Variants in COG4 observed in about 807,000 individuals in gnomAD.
COG4 encodes component of oligomeric golgi complex 4.
Under a neutral mutation model 95.1 loss-of-function variants are expected in COG4, and 65 were observed. The observed-to-expected ratio is 0.68, with a 90% CI of 0.56 to 0.84. The LOEUF is 0.84. Ranked by LOEUF, COG4 falls within the 40% of genes least tolerant of loss-of-function variation. The pLI, the probability that COG4 is intolerant of heterozygous loss-of-function variation, is 0.00. For synonymous variants in COG4, 421 were observed against 374.8 expected (o/e 1.12, Z -1.42); for missense variants, 1,045 against 989.1 (o/e 1.06, Z -0.76).
intron 8 of COG4, among the ~76,000 whole-genome samples, chr16:70,503,186 G>C (rs1003624580): frequency 1.3e-5 from 2 of 152,070 alleles, no homozygotes; most frequent in Admixed American, 1.3e-4. Flanking sequence ...CAAGTAGCTG[G>C]GATTATAGAC....
At chr16:70,515,863 C>A in intron 3 of COG4, 1 of 380,418 alleles carries the variant, frequency 2.6e-6, no homozygotes, top group Non-Finnish European at 5.2e-6. Context: ...AGGACAGGGT[C>A]TTACTGTGTT....
In COG4 at chr16:70,480,746, C is replaced by T; in HGVS notation, c.*264G>A. 1 of 515,320 alleles carries T rather than the reference C, an allele frequency of 1.9e-6. No individual in the cohort carries two copies. Among genetic ancestry groups the T allele is most frequent in the Non-Finnish European group, 3.5e-6 (1 of 283,094 alleles). 31.9% of individuals were successfully genotyped at this position (515,320 alleles called of 1,614,324 possible). On this transcript the variant is annotated 3_prime_UTR_variant, in exon 19 of 19. Transcript: ENST00000323786. ...CATCCATGCAGAAAGCTGGCCTGGG[C>T]TGCTCGCTGCCTGCCGTGGCTTTCC...
At position 70,481,803 on chromosome 16, in the gene COG4, G is replaced by T; in HGVS notation, c.2067C>A (p.Val689=). 6.2e-7 allele frequency: 1 copy of T among 1,614,076 alleles called. No individual in the cohort carries two copies. The highest frequency in any genetic ancestry group is 8.5e-7 in the Non-Finnish European group (1 of 1,180,012). The stretch of plus-strand genomic sequence containing the variant: ...ATTTCAGCACCACTTTCTCCAACTC[G>T]ACGGCAACAAGGCTAGTCATGAGGC... ...LTGLMTSLVA[V]ELEKVVLKST... is the part of the protein sequence containing the mutation. The change falls in exon 17 of 19, where the codon GTC becomes GTA. Residue 689 remains valine (V), a synonymous_variant. Transcript: ENST00000323786.
intron 1 of COG4, 102 bp downstream of exon 1, chr16:70,523,271 G>T (rs565425884): frequency 2.8e-6 from 4 of 1,411,948 alleles, no homozygotes; most frequent in East Asian, 2.3e-5. Context: ...CCGCTTTTTT[G>T]TATCCCCCAG....
intron 3 of COG4, chr16:70,516,044 C>T (rs925103053): frequency 4.4e-6 from 2 of 455,840 alleles, no homozygotes; most frequent in South Asian, 1.5e-5. Context: ...AGTGTTTCTA[C>T]CACGAAAGGA....
chr16:70,514,604 C>T, intron 3 of COG4, 95 bp from the exon 4 acceptor site: 1 of 1,027,394 alleles, frequency 9.7e-7, no homozygotes, highest in Non-Finnish European at 1.5e-6. Context: ...TCTGATCAAC[C>T]ATATGTCAAT....
intron 9 of COG4, among the ~76,000 whole-genome samples, chr16:70,500,455 G>A (rs2049425959): frequency 6.7e-6 from 1 of 148,162 alleles, no homozygotes; most frequent in South Asian, 2.1e-4. Flanking sequence ...TGCCCCCCAG[G>A]GTTCAAGCAA....
rs370174602 is a variant in COG4, at chr16:70,517,651, T to A, written c.344A>T (p.Lys115Ile). Residue 115 changes from lysine (K) to isoleucine (I), a missense_variant, in exon 3 of 19, where the codon AAA becomes ATA. Coordinates refer to ENST00000323786, the MANE Select transcript of COG4 (RefSeq NM_015386.3). The stretch of plus-strand genomic sequence containing the variant: ...CTTGGCCAGGTCAAGCTGACGAACT[T>A]TGCTGGACACATTCTCAGCCAGGTT... ...TCNLAENVSS[K>I]VRQLDLAKNR... 4 of 1,610,574 alleles carry A rather than the reference T, an allele frequency of 2.5e-6. No individual in the cohort carries two copies. The highest frequency in any genetic ancestry group is 2.5e-6 in the Non-Finnish European group (3 of 1,177,930).
At chr16:70,481,595 C>T in intron 17 of COG4, 108 bp from the exon 18 acceptor site, 1 of 1,545,970 alleles carries the variant, frequency 6.5e-7, no homozygotes, top group Non-Finnish European at 8.9e-7. Context: ...CAGGTGGTGC[C>T]CTGTGGTTTG....
At chr16:70,508,069 C>T (rs970339827) in intron 8 of COG4, among the ~76,000 whole-genome samples, 6 of 151,666 alleles carry the variant, frequency 4.0e-5, no homozygotes, top group Non-Finnish European at 7.4e-5. Flanking sequence ...TACAGGCACG[C>T]ACCACCATGC....
At chr16:70,518,798 GA>G (rs773690431) in intron 2 of COG4, among the ~76,000 whole-genome samples, 7 of 151,972 alleles carry the variant, frequency 4.6e-5, no homozygotes, top group Admixed American at 2.6e-4. Context: ...CCAACATGGT[GA>G]AACCCTGTCT....
chr16:70,512,236 T>C lies in COG4; in HGVS notation c.738+3A>G, dbSNP rs1287945199. The C allele has an allele frequency of 5.6e-6, 9 of 1,613,576 alleles. No individual in the cohort carries two copies. Among genetic ancestry groups the C allele is most frequent in the Non-Finnish European group, 7.6e-6 (9 of 1,179,596 alleles). ...TATCCTGCCAAGCAATCAGGGTCCA[T>C]ACCTGCTTGCAAAGGTACTCCGAGA... On this transcript the variant is annotated splice_donor_region_variant and intron_variant, in intron 5 of 18. Transcript: ENST00000323786.
intron 15 of COG4, 26 bp downstream of exon 15, chr16:70,482,703 T>C (rs1193323589): frequency 1.2e-6 from 2 of 1,600,602 alleles, no homozygotes; most frequent in East Asian, 2.2e-5. Flanking sequence ...CATCGGGGCT[T>C]GATGGCTGCC....
intron 8 of COG4, among the ~76,000 whole-genome samples, chr16:70,506,064 T>G (rs902471538): frequency 2.0e-5 from 3 of 151,248 alleles, no homozygotes; most frequent in Admixed American, 6.6e-5. Context: ...GTGGATCACC[T>G]GAGGTCAGGA....
In COG4 at chr16:70,517,731, C is replaced by T; in HGVS notation, c.264G>A (p.Leu88=). 1.2e-6 allele frequency: 2 copies of T among 1,606,980 alleles called. No individual in the cohort carries two copies. Among genetic ancestry groups the T allele is most frequent in the Non-Finnish European group, 1.7e-6 (2 of 1,173,710 alleles). Residue 88 remains leucine, a synonymous_variant, in exon 3 of 19, where the codon CTG becomes CTA. Transcript: ENST00000323786. The part of the protein sequence containing the change: ...MVTLHRMGPN[L]QLIEGDAKQL... Reference sequence around the variant, plus strand: ...GCTTTGCATCTCCCTCAATCAGCTGCAGATTAGGACTGGAGAAATACATTG... The same window carrying T: ...GCTTTGCATCTCCCTCAATCAGCTGTAGATTAGGACTGGAGAAATACATTG...
intron 4 of COG4, among the ~76,000 whole-genome samples, chr16:70,512,976 A>C (rs555332068): frequency 7.2e-4 from 110 of 152,286 alleles, no homozygotes; most frequent in African/African-American, 2.5e-3. Context: ...ACTCCGTCTC[A>C]AAAAAAAGAA....
At chr16:70,516,325 A>G (rs975802074) in intron 3 of COG4, among the ~76,000 whole-genome samples, 2 of 148,776 alleles carry the variant, frequency 1.3e-5, no homozygotes, top group African/African-American at 5.1e-5. Flanking sequence ...TTGAGACAGA[A>G]TCTCTCTGTC....
chr16:70,491,364 C>CA lies in COG4; in HGVS notation c.1648-973dup, dbSNP rs539097876. The stretch of plus-strand genomic sequence containing the variant: ...ACCCTGTCTCTAATAAAAATACACA[C>CA]AAAAAAATTAGCCAGGCGTGGTGGT... On this transcript the variant is annotated intron_variant, in intron 12 of 18. Transcript: ENST00000323786. Among the ~76,000 whole-genome samples the CA allele has an allele frequency of 4.0e-3, 598 of 150,342 alleles. 1 individual carries two copies. Among genetic ancestry groups the CA allele is most frequent in the Middle Eastern group, 0.021 (6 of 286 alleles).
At chr16:70,489,685 T>C (rs991569355) in intron 13 of COG4, among the ~76,000 whole-genome samples, 9 of 151,926 alleles carry the variant, frequency 5.9e-5, no homozygotes, top group Non-Finnish European at 1.2e-4. Flanking sequence ...ATCCTGTTTT[T>C]TCATTAGGCT....
Sources: gnomAD v4.1 joint callset for allele counts (sites outside exome capture counted in the v4.1 genomes callset) on GRCh38, gnomAD v4.1.1 for gene constraint, MANE v1.5 for transcripts, NCBI Gene and HGNC (gene_info 2026-07-23, HGNC 2026-07-21) for gene names.